IL1RAPL2: variants seen among roughly 807,000 people sequenced by gnomAD.
The protein encoded by IL1RAPL2 is interleukin 1 receptor accessory protein like 2, also known as X-linked interleukin-1 receptor accessory protein-like 2.
Under a neutral mutation model 44.1 loss-of-function variants are expected in IL1RAPL2, and 3 were observed. The ratio of observed to expected loss-of-function variants is 0.07; its 90% confidence interval spans 0.03 to 0.18. IL1RAPL2 has a LOEUF of 0.18. Among genes scored for constraint, IL1RAPL2 ranks in the 10% least tolerant of loss-of-function variants. IL1RAPL2 has a pLI of 1.00. For synonymous variants in IL1RAPL2, 181 were observed against 178.8 expected (o/e 1.01, Z -0.10); for missense variants, 391 against 496.4 (o/e 0.79, Z 2.02).
intron 2 of IL1RAPL2, among the ~76,000 whole-genome samples, chrX:105,060,585 C>CTTTTTTT (rs1161187469): frequency 3.3e-4 from 23 of 70,097 alleles, no homozygotes; most frequent in African/African-American, 6.8e-4. Flanking sequence ...TTTTCTTTTT[C>CTTTTTTT]TTTTTTTTTT....
intron 5 of IL1RAPL2, among the ~76,000 whole-genome samples, chrX:105,356,439 A>G (rs2035203855): frequency 8.9e-6 from 1 of 111,762 alleles, no homozygotes; most frequent in Non-Finnish European, 1.9e-5. Flanking sequence ...GTCTGTTTGT[A>G]TATATCATAA....
chrX:105,504,829 T>C (rs774245575), intron 6 of IL1RAPL2, among the ~76,000 whole-genome samples: 3 of 111,954 alleles, frequency 2.7e-5, no homozygotes, highest in Admixed American at 9.5e-5. Context: ...TTTAAGTCTA[T>C]GCATATAATG....
intron 2 of IL1RAPL2, among the ~76,000 whole-genome samples, chrX:104,845,574 G>A (rs1055137230): frequency 8.9e-6 from 1 of 111,964 alleles, no homozygotes; most frequent in Non-Finnish European, 1.9e-5. Context: ...TGTGAAGTTG[G>A]ACAGGCAGCT....
At chrX:105,628,218 GCACAAC>G (rs2037467774) in intron 6 of IL1RAPL2, among the ~76,000 whole-genome samples, 5 of 110,562 alleles carry the variant, frequency 4.5e-5, no homozygotes, top group Non-Finnish European at 9.5e-5. Flanking sequence ...GGGTACATGT[GCACAAC>G]GTGCAGGTTA....
chrX:105,519,822 T>G (rs762471211), intron 6 of IL1RAPL2, among the ~76,000 whole-genome samples: 1 of 111,542 alleles, frequency 9.0e-6, no homozygotes, highest in Non-Finnish European at 1.9e-5. Context: ...CTATATTAGT[T>G]ACATTTGTTT....
chrX:105,684,405 A>G (rs1292870288), intron 6 of IL1RAPL2, among the ~76,000 whole-genome samples: 1 of 112,813 alleles, frequency 8.9e-6, no homozygotes, highest in Non-Finnish European at 1.9e-5. Flanking sequence ...AGTGGGTCCC[A>G]TGCCCATGGA....
At chrX:105,135,904 G>C (rs774409146) in intron 2 of IL1RAPL2, among the ~76,000 whole-genome samples, 4 of 111,572 alleles carry the variant, frequency 3.6e-5, no homozygotes, top group Non-Finnish European at 7.5e-5. Context: ...TTAAGCAGAG[G>C]TTCTAAAAAC....
intron 6 of IL1RAPL2, among the ~76,000 whole-genome samples, chrX:105,697,186 A>T (rs1473324397): frequency 9.1e-6 from 1 of 110,319 alleles, no homozygotes; most frequent in Admixed American, 9.7e-5. Flanking sequence ...TCATGACACA[A>T]GCAACTCCCA....
intron 2 of IL1RAPL2, among the ~76,000 whole-genome samples, chrX:104,878,428 C>T (rs1922969299): frequency 8.9e-6 from 1 of 112,117 alleles, no homozygotes; most frequent in South Asian, 3.7e-4. Flanking sequence ...TCTTATTCTA[C>T]ACATTTCAAA....
At chrX:104,974,397 T>C (rs932897766) in intron 2 of IL1RAPL2, among the ~76,000 whole-genome samples, 3 of 112,471 alleles carry the variant, frequency 2.7e-5, no homozygotes, top group Admixed American at 9.4e-5. Context: ...GTTTAATTCA[T>C]GAGCACTCTT....
At chrX:105,037,414 A>T (rs1351846947) in intron 2 of IL1RAPL2, among the ~76,000 whole-genome samples, 2 of 111,382 alleles carry the variant, frequency 1.8e-5, no homozygotes, top group Admixed American at 1.9e-4. Flanking sequence ...GGGGACAACA[A>T]TGCCAGACTG....
chrX:104,817,698 A>C (rs1175764106), intron 2 of IL1RAPL2, among the ~76,000 whole-genome samples: 9 of 111,948 alleles, frequency 8.0e-5, no homozygotes, highest in Non-Finnish European at 3.8e-5. Context: ...CAATTTTCTT[A>C]TCTATAAAAT....
intron 1 of IL1RAPL2, among the ~76,000 whole-genome samples, chrX:104,573,597 C>T (rs1238321817): frequency 8.9e-6 from 1 of 112,355 alleles, no homozygotes; most frequent in Non-Finnish European, 1.9e-5. Flanking sequence ...CAGGAATCAT[C>T]TTGACTCTGT....
chrX:105,690,075 G>A (rs1451866871), intron 6 of IL1RAPL2, among the ~76,000 whole-genome samples: 1 of 110,462 alleles, frequency 9.1e-6, no homozygotes, highest in Non-Finnish European at 1.9e-5. Context: ...TTGGAGGATG[G>A]GGGGCTTGGG....
At chrX:105,207,604 T>C (rs890116035) in intron 3 of IL1RAPL2, among the ~76,000 whole-genome samples, 1 of 111,821 alleles carries the variant, frequency 8.9e-6, no homozygotes, top group African/African-American at 3.2e-5. Context: ...TTCTTCTCTT[T>C]TTGCCCTTTC....
At chrX:105,597,110 A>C (rs745976152) in intron 6 of IL1RAPL2, among the ~76,000 whole-genome samples, 14 of 112,180 alleles carry the variant, frequency 1.2e-4, no homozygotes, top group Non-Finnish European at 2.3e-4. Flanking sequence ...AGTAACTAAC[A>C]CAATGGCAAA....
At chrX:105,093,229 G>C (rs1460779413) in intron 2 of IL1RAPL2, among the ~76,000 whole-genome samples, 1 of 110,084 alleles carries the variant, frequency 9.1e-6, no homozygotes, top group African/African-American at 3.3e-5. Flanking sequence ...ACTCACAAAG[G>C]GGCCTATTTT....
chrX:105,545,665 A>G (rs2036789680), intron 6 of IL1RAPL2, among the ~76,000 whole-genome samples: 1 of 111,945 alleles, frequency 8.9e-6, no homozygotes. Context: ...CCTTAATTAT[A>G]TTGATGCTCA....
At chrX:104,663,377 C>A (rs1465267940) in intron 2 of IL1RAPL2, among the ~76,000 whole-genome samples, 1 of 110,584 alleles carries the variant, frequency 9.0e-6, no homozygotes, top group Non-Finnish European at 1.9e-5. Flanking sequence ...TAAAAGGAAC[C>A]ATGCTTTGAA....
Sources: gnomAD v4.1 joint callset for allele counts (sites outside exome capture counted in the v4.1 genomes callset) on GRCh38, gnomAD v4.1.1 for gene constraint, MANE v1.5 for transcripts, NCBI Gene and HGNC (gene_info 2026-07-23, HGNC 2026-07-21) for gene names.